ASAP3: variants seen among roughly 807,000 people sequenced by gnomAD.
The protein encoded by ASAP3 is ArfGAP with SH3 domain, ankyrin repeat and PH domain 3, also known as arf-GAP with SH3 domain, ANK repeat and PH domain-containing protein 3.
A neutral mutation model predicts 118.2 loss-of-function variants in ASAP3; 85 were observed. The observed-to-expected ratio is 0.72, with a 90% confidence interval of 0.60 to 0.86. The LOEUF (loss-of-function observed/expected upper bound fraction) is 0.86. ASAP3 is among the 40% of genes least tolerant of loss of function. The pLI, the probability that ASAP3 is intolerant of heterozygous loss-of-function variation, is 0.00. For missense variants in ASAP3, 1,026 were observed against 1,175.0 expected, an observed-to-expected ratio of 0.87 and a Z score of 1.85; for synonymous variants, 432 against 477.4, an observed-to-expected ratio of 0.90 and a Z score of 1.24.
At chr1:23,472,690 C>T (rs1346363146) in intron 1 of ASAP3, among the ~76,000 whole-genome samples, 1 of 152,190 alleles carries the variant, frequency 6.6e-6, no homozygotes, top group Non-Finnish European at 1.5e-5. Context: ...TTACTTTCCT[C>T]TTTTCTCTGT....
chr1:23,433,204 G>C lies in ASAP3; in HGVS notation c.2196C>G (p.Thr732=), dbSNP rs373808333. 6.2e-7 allele frequency: 1 copy of C among 1,614,080 alleles called. No homozygotes were observed. The highest frequency in any genetic ancestry group is 1.1e-5 in the South Asian group (1 of 91,082). Reference sequence around the variant, plus strand: ...CTCCCAGGCTGGCGACAGTCTCATAGGTCTTGTTGCTGATGTCCAGCCTCC... The same window carrying C: ...CTCCCAGGCTGGCGACAGTCTCATACGTCTTGTTGCTGATGTCCAGCCTCC... ...ASGRLDISNK[T]YETVASLGAA... is the part of the protein sequence containing the mutation. Residue 732 remains threonine (T), a synonymous_variant, in exon 22 of 25, where the codon ACC becomes ACG. Transcript: ENST00000336689.
intron 22 of ASAP3, among the ~76,000 whole-genome samples, chr1:23,432,832 T>C (rs1640486846): frequency 6.6e-6 from 1 of 150,604 alleles, no homozygotes; most frequent in African/African-American, 2.5e-5. Flanking sequence ...AGTGGAGCAT[T>C]GAGGAATTTG....
chr1:23,454,405 C>T (rs973201431), intron 3 of ASAP3, among the ~76,000 whole-genome samples: 15 of 152,120 alleles, frequency 9.9e-5, no homozygotes, highest in African/African-American at 2.7e-4. Flanking sequence ...AGGCTGGTCT[C>T]GAATCTCTGA....
intron 10 of ASAP3, among the ~76,000 whole-genome samples, chr1:23,440,260 G>T: frequency 6.6e-6 from 1 of 150,884 alleles, no homozygotes; most frequent in East Asian, 2.0e-4. Flanking sequence ...CCAGCACTTT[G>T]GGAGGCTGAG....
intron 1 of ASAP3, among the ~76,000 whole-genome samples, chr1:23,468,364 AC>A (rs2148654476): frequency 6.6e-6 from 1 of 152,298 alleles, no homozygotes; most frequent in South Asian, 2.1e-4. Flanking sequence ...AAGACACAGA[AC>A]CCTTTAAAAG....
chr1:23,437,019 C>A lies in ASAP3; in HGVS notation c.1368G>T (p.Leu456=). Residue 456 remains leucine (L), a synonymous_variant, in exon 15 of 25, where the codon CTG becomes CTT. Coordinates refer to ENST00000336689, the MANE Select transcript of ASAP3 (RefSeq NM_017707.4). The surrounding 1 kb of genome is among the most constrained non-coding windows in gnomAD (Gnocchi z 6.1). The part of the protein sequence containing the change: ...AADPTWLSTN[L]GVLTCIQCSG... Reference sequence around the variant, plus strand: ...AGCACTGGATGCAGGTGAGCACGCCCAGGTTGGTGCTGAGCCACGTGGGGT... The same window carrying A: ...AGCACTGGATGCAGGTGAGCACGCCAAGGTTGGTGCTGAGCCACGTGGGGT... 6.2e-7 allele frequency: 1 copy of A among 1,611,788 alleles called. No individual in the cohort carries two copies. The highest frequency in any genetic ancestry group is 2.2e-5 in the East Asian group (1 of 44,766).
intron 1 of ASAP3, among the ~76,000 whole-genome samples, chr1:23,464,070 C>T (rs918000525): frequency 6.6e-6 from 1 of 151,920 alleles, no homozygotes; most frequent in Non-Finnish European, 1.5e-5. Context: ...TGTGGCGGCT[C>T]CCTCCTATCA....
rs996272830 is a variant in ASAP3 at position 23,446,610 on chromosome 1, G to A, written c.474-3998C>T. Among the ~76,000 whole-genome samples, 9 of 151,852 alleles carry A rather than the reference G, an allele frequency of 5.9e-5. No individual in the cohort carries two copies. In the East Asian group the frequency reaches 1.5e-3, roughly 26 times the overall value. On this transcript the variant is annotated intron_variant, in intron 5 of 24. Coordinates refer to ENST00000336689, the MANE Select transcript of ASAP3 (RefSeq NM_017707.4). The stretch of plus-strand genomic sequence containing the variant: ...CCACAACCACACCCAGCTAATTTTC[G>A]TATTTTTAGTAGAGCCGGGGTTTCA...
chr1:23,433,520 G>A lies in ASAP3; in HGVS notation c.2032C>T (p.Gln678Ter), dbSNP rs146824903. 1 of 1,614,088 alleles carries A rather than the reference G, an allele frequency of 6.2e-7. No homozygotes were observed. The highest frequency in any genetic ancestry group is 8.5e-7 in the Non-Finnish European group (1 of 1,180,040). ...KECEELLEQA[Q>*]AGTFAFPLHV... ...AGAGGGAAGGCAAAGGTCCCCGCCT[G>A]GGCCTGCTCCAGCTGCCAAAAACAA... is the stretch of plus-strand genomic sequence containing the variant. Residue 678 changes from glutamine to a stop codon, truncating the protein, a stop_gained, in exon 21 of 25, where the codon CAG (glutamine) becomes TAG (stop). Coordinates refer to ENST00000336689, the MANE Select transcript of ASAP3 (RefSeq NM_017707.4). LOFTEE classifies it high-confidence loss of function.
chr1:23,466,181 AG>A (rs1321871574), intron 1 of ASAP3, among the ~76,000 whole-genome samples: 1 of 152,262 alleles, frequency 6.6e-6, no homozygotes, highest in Non-Finnish European at 1.5e-5. Flanking sequence ...CAGCTCAAAC[AG>A]GGGACATTTC....
intron 1 of ASAP3, among the ~76,000 whole-genome samples, chr1:23,463,786 G>C (rs1285372139): frequency 6.6e-6 from 1 of 151,960 alleles, no homozygotes; most frequent in East Asian, 1.9e-4. Flanking sequence ...CTTTAGTAGA[G>C]ACGGGGTTTC....
At chr1:23,431,485 T>C (rs562857300) in intron 23 of ASAP3, among the ~76,000 whole-genome samples, 12 of 152,290 alleles carry the variant, frequency 7.9e-5, no homozygotes, top group African/African-American at 2.6e-4. Flanking sequence ...GGAGGATCCC[T>C]GGCTCCTCCT....
chr1:23,476,491 G>A (rs1003474905), intron 1 of ASAP3, among the ~76,000 whole-genome samples: 3 of 151,912 alleles, frequency 2.0e-5, no homozygotes, highest in Non-Finnish European at 4.4e-5. Context: ...ACCACAACCC[G>A]ATCCACACCA....
At chr1:23,484,210 C>G, upstream of ASAP3, 4 of 1,203,428 alleles carry the variant, frequency 3.3e-6, no homozygotes, top group Non-Finnish European at 4.1e-6. Context: ...GGCCTCACCG[C>G]CGGCCGGGGG....
rs781690330 is a variant in ASAP3 at position 23,434,296 on chromosome 1, A to G, written c.1909T>C (p.Cys637Arg). Residue 637 changes from cysteine (C) to arginine (R), a missense_variant, in exon 19 of 25, where the codon TGC becomes CGC. Transcript: ENST00000336689. Reference protein sequence around the residue: ...HYAALYNQPDCLKLLLKGRAL... With the variant: ...HYAALYNQPDRLKLLLKGRAL... ...CTCCCCTTCAGCAGCAGCTTGAGGCAGTCGGGCTGGTTGTAGAGTGCTGCG... is the reference window on the plus strand; with the variant it reads ...CTCCCCTTCAGCAGCAGCTTGAGGCGGTCGGGCTGGTTGTAGAGTGCTGCG... 6.2e-7 allele frequency: 1 copy of G among 1,614,216 alleles called. No homozygotes were observed. Among genetic ancestry groups the G allele is most frequent in the East Asian group, 2.2e-5 (1 of 44,884 alleles).
At chr1:23,483,981 C>G (rs2148671293) in intron 1 of ASAP3, 24 bp downstream of exon 1, 1 of 1,269,586 alleles carries the variant, frequency 7.9e-7, no homozygotes, top group Non-Finnish European at 9.9e-7. Context: ...CGACCCCCGA[C>G]CCCTCCCGCC....
chr1:23,444,773 T>G (rs1640993642), intron 5 of ASAP3, among the ~76,000 whole-genome samples: 1 of 152,206 alleles, frequency 6.6e-6, no homozygotes, highest in Non-Finnish European at 1.5e-5. Flanking sequence ...AATCTGTCCC[T>G]GGGGACCTGT....
At chr1:23,432,043 G>T (rs548707215) in intron 22 of ASAP3, 125 bp from the exon 23 acceptor site, 13 of 832,590 alleles carry the variant, frequency 1.6e-5, no homozygotes, top group African/African-American at 8.0e-5. Context: ...GTCTCACTCT[G>T]TCACCCAGGC....
chr1:23,442,148 T>C (rs1250795103), intron 7 of ASAP3, 38 bp downstream of exon 7: 26 of 1,564,770 alleles, frequency 1.7e-5, no homozygotes, highest in Non-Finnish European at 2.2e-5. Context: ...TCTGTGACAC[T>C]GGAAGGGTTA....
Sources: allele counts gnomAD v4.1 joint callset (sites outside exome capture counted in the v4.1 genomes callset), GRCh38; gene constraint gnomAD v4.1.1; non-coding constraint Gnocchi (gnomAD v3.1); transcripts MANE v1.5; gene names NCBI Gene and HGNC (gene_info 2026-07-23, HGNC 2026-07-21).